The following PARP8 variants were observed in gnomAD, a reference collection of about 807,000 sequenced individuals.
PARP8 encodes protein mono-ADP-ribosyltransferase PARP8.
A neutral mutation model predicts 124.1 loss-of-function variants in PARP8; 51 were observed. The ratio of observed to expected loss-of-function variants is 0.41; its 90% confidence interval spans 0.33 to 0.52. PARP8 has a LOEUF of 0.52. Ranked by LOEUF, PARP8 falls within the 20% of genes least tolerant of loss-of-function variation. The probability of loss-of-function intolerance (pLI) is 0.21; values close to 1 mark genes in which losing one functional copy is unlikely to be tolerated. For synonymous variants in PARP8, 391 were observed against 361.5 expected (o/e 1.08, Z -0.93); for missense variants, 860 against 1,018.9 (o/e 0.84, Z 2.12).
intron 2 of PARP8, among the ~76,000 whole-genome samples, chr5:50,721,557 A>T (rs13162738): frequency 0.05 from 7,653 of 152,128 alleles, 247 homozygotes; most frequent in Middle Eastern, 0.099. Flanking sequence ...CCTGTGACTT[A>T]CTAAATAACC....
At chr5:50,683,440 A>G (rs930015340) in intron 2 of PARP8, among the ~76,000 whole-genome samples, 1 of 152,176 alleles carries the variant, frequency 6.6e-6, no homozygotes, top group African/African-American at 2.4e-5. Flanking sequence ...AAGACACTAT[A>G]CCAGCTTCCT....
intron 2 of PARP8, among the ~76,000 whole-genome samples, chr5:50,687,524 C>G (rs943396205): frequency 7.2e-5 from 11 of 152,148 alleles, no homozygotes; most frequent in African/African-American, 2.7e-4. Flanking sequence ...TTCAGCAACC[C>G]CCACTCTCTA....
At position 50,834,037 on chromosome 5, in the gene PARP8, C is replaced by A. The variant is rs1747288097; in HGVS notation, c.2366C>A (p.Ala789Asp). The change falls in exon 24 of 26, where the codon GCC becomes GAC. Residue 789 changes from alanine to aspartate, a missense_variant. Coordinates refer to ENST00000281631, the MANE Select transcript of PARP8 (RefSeq NM_024615.4). ...CAAAGCCGTAACTTAAAATGCATAG[C>A]CTTATGTGAAGGTAAGTTGAAAGTT... ...FLQSRNLKCI[A>D]LCEVITSSDL... The A allele has an allele frequency of 6.2e-7, 1 of 1,611,208 alleles. No individual in the cohort carries two copies. Among genetic ancestry groups the A allele is most frequent in the African/African-American group, 1.3e-5 (1 of 74,792 alleles).
At chr5:50,816,608 A>C (rs1410975243) in intron 15 of PARP8, among the ~76,000 whole-genome samples, 1 of 152,196 alleles carries the variant, frequency 6.6e-6, no homozygotes, top group Non-Finnish European at 1.5e-5. Context: ...TGAAGTATAA[A>C]TGAAACAAAT....
intron 14 of PARP8, among the ~76,000 whole-genome samples, chr5:50,807,623 C>T (rs1743998842): frequency 6.6e-6 from 1 of 152,076 alleles, no homozygotes; most frequent in African/African-American, 2.4e-5. Context: ...TCCTAATGCC[C>T]TTTTCTGTTA....
chr5:50,739,009 G>A (rs1305607857), intron 2 of PARP8: 2 of 702,562 alleles, frequency 2.8e-6, no homozygotes, highest in South Asian at 3.0e-5. Context: ...CCCAGTGGGT[G>A]TGAGAAGGCT....
intron 7 of PARP8, among the ~76,000 whole-genome samples, 191 bp downstream of exon 7, chr5:50,763,433 T>C (rs1760759040): frequency 6.6e-6 from 1 of 152,224 alleles, no homozygotes; most frequent in Non-Finnish European, 1.5e-5. Flanking sequence ...GGTTTAAGAT[T>C]ACATTGATTG....
chr5:50,721,828 G>A (rs528178740), intron 2 of PARP8, among the ~76,000 whole-genome samples: 7 of 152,124 alleles, frequency 4.6e-5, no homozygotes, highest in Admixed American at 3.3e-4. Context: ...GCCTTTGTAC[G>A]CAAAACTTAA....
At chr5:50,835,730 T>C (rs1747506061) in intron 25 of PARP8, among the ~76,000 whole-genome samples, 1 of 152,170 alleles carries the variant, frequency 6.6e-6, no homozygotes, top group South Asian at 2.1e-4. Context: ...CTACATTCCA[T>C]ATAATACAGG....
At chr5:50,785,123 A>G (rs1045220871) in intron 9 of PARP8, among the ~76,000 whole-genome samples, 2 of 152,054 alleles carry the variant, frequency 1.3e-5, no homozygotes, top group Non-Finnish European at 2.9e-5. Context: ...AATTTTGGAA[A>G]TTTTAGAATT....
In PARP8 at chr5:50,764,683, A is replaced by G. The variant is rs1403599000; in HGVS notation, c.518+1441A>G. Among the ~76,000 whole-genome samples, 5 of 152,132 alleles carry G rather than the reference A, an allele frequency of 3.3e-5. No homozygotes were observed. In the South Asian group the frequency reaches 6.2e-4, roughly 19 times the overall value. On this transcript the variant is annotated intron_variant, in intron 7 of 25. Transcript: ENST00000281631. ...AAGTTTTAGCAAATTAGCTGCAATA[A>G]TTTTACATTGATCTCTGTTATGGCT... is the stretch of plus-strand genomic sequence containing the variant.
intron 2 of PARP8, among the ~76,000 whole-genome samples, chr5:50,682,226 C>G (rs1751373846): frequency 6.6e-6 from 1 of 152,066 alleles, no homozygotes; most frequent in Non-Finnish European, 1.5e-5. Flanking sequence ...CTCCACTTTT[C>G]CTGAGTGGAG....
At chr5:50,712,840 GT>G (rs1281644726) in intron 2 of PARP8, among the ~76,000 whole-genome samples, 190 of 143,512 alleles carry the variant, frequency 1.3e-3, no homozygotes, top group African/African-American at 1.8e-3. Context: ...GAGGAACAAG[GT>G]TTTTTTTTTT....
At chr5:50,713,897 C>T (rs1755033197) in intron 2 of PARP8, among the ~76,000 whole-genome samples, 1 of 151,888 alleles carries the variant, frequency 6.6e-6, no homozygotes, top group African/African-American at 2.4e-5. Flanking sequence ...TGGGCAGATT[C>T]TAGAACCTGG....
At chr5:50,825,640 A>G (rs1398714768) in intron 18 of PARP8, among the ~76,000 whole-genome samples, 1 of 152,196 alleles carries the variant, frequency 6.6e-6, no homozygotes, top group Non-Finnish European at 1.5e-5. Flanking sequence ...TGAAGACACT[A>G]GTTTCTACTC....
chr5:50,795,592 A>G (rs1443860540), intron 12 of PARP8, among the ~76,000 whole-genome samples, 175 bp downstream of exon 12: 1 of 152,170 alleles, frequency 6.6e-6, no homozygotes, highest in African/African-American at 2.4e-5. Context: ...TGGCAATGAA[A>G]TGTAAGCTTT....
intron 2 of PARP8, among the ~76,000 whole-genome samples, chr5:50,716,130 G>T (rs544516949): frequency 6.6e-6 from 1 of 152,226 alleles, no homozygotes; most frequent in East Asian, 1.9e-4. Flanking sequence ...TAGAGGCTGA[G>T]AATAGTTAAC....
At chr5:50,677,420 T>G (rs1413090699) in intron 2 of PARP8, among the ~76,000 whole-genome samples, 1 of 152,190 alleles carries the variant, frequency 6.6e-6, no homozygotes, top group Non-Finnish European at 1.5e-5. Context: ...CAGATTTTAT[T>G]TTTAGTTAAC....
chr5:50,834,092 T>G (rs747462165), intron 24 of PARP8, 44 bp downstream of exon 24: 2 of 1,408,690 alleles, frequency 1.4e-6, no homozygotes, highest in Non-Finnish European at 2.0e-6. Flanking sequence ...AGTTCCTAGC[T>G]CATCTATAAT....
Sources: allele counts gnomAD v4.1 joint callset (sites outside exome capture counted in the v4.1 genomes callset), GRCh38; gene constraint gnomAD v4.1.1; transcripts MANE v1.5; gene names NCBI Gene and HGNC (gene_info 2026-07-23, HGNC 2026-07-21).